The following CNBD1 variants were observed in gnomAD, a reference collection of about 807,000 sequenced individuals.
CNBD1 encodes the protein cyclic nucleotide-binding domain-containing protein 1.
Under a neutral mutation model 54.4 loss-of-function variants are expected in CNBD1, and 71 were observed. The ratio of observed to expected loss-of-function variants is 1.30; its 90% CI spans 1.08 to 1.59. The LOEUF (loss-of-function observed/expected upper bound fraction) is 1.59, where lower values mean the gene tolerates loss of function less well. Ranked by LOEUF, CNBD1 falls within the 40% of genes most tolerant of loss-of-function variation. The pLI is 0.00. For missense variants in CNBD1, 659 were observed against 518.0 expected, an observed-to-expected ratio of 1.27 and a Z score of -2.64; for synonymous variants, 182 against 170.7, an observed-to-expected ratio of 1.07 and a Z score of -0.51.
Position 86,905,269 on chromosome 8 carries a change from A to C in CNBD1, c.272+75A>C, listed in dbSNP as rs1809001098. ...GCTTGTGCTCACACAAGTTGAACTC[A>C]AAACTGAAAATATTTGACCAGTTTC... On this transcript the variant is annotated intron_variant, in intron 3 of 10. Transcript: ENST00000518476. The C allele has an allele frequency of 6.0e-6, 5 of 829,246 alleles. No individual in the cohort carries two copies. The East Asian group carries it at 1.3e-4, about 22-fold the overall frequency. 51.4% of individuals were successfully genotyped at this position (829,246 alleles called of 1,614,324 possible).
At chr8:87,135,252 A>AAT (rs374741099) in intron 4 of CNBD1, among the ~76,000 whole-genome samples, 8 of 151,706 alleles carry the variant, frequency 5.3e-5, no homozygotes, top group South Asian at 4.2e-4. Context: ...GATGGTAATG[A>AAT]ATATATATAT....
intron 4 of CNBD1, among the ~76,000 whole-genome samples, chr8:86,956,243 A>G (rs1393024373): frequency 1.3e-5 from 2 of 152,052 alleles, no homozygotes; most frequent in South Asian, 2.1e-4. Context: ...GCCTTGTAGT[A>G]TAGTTTGAAG....
intron 4 of CNBD1, among the ~76,000 whole-genome samples, chr8:86,961,169 C>A (rs1807918953): frequency 6.6e-6 from 1 of 152,124 alleles, no homozygotes; most frequent in African/African-American, 2.4e-5. Context: ...TGTATACATA[C>A]ACAAATGAAG....
chr8:86,969,819 CACAT>C (rs1404957267), intron 4 of CNBD1, among the ~76,000 whole-genome samples: 14 of 132,718 alleles, frequency 1.1e-4, no homozygotes, highest in East Asian at 2.4e-4. Flanking sequence ...CACACACACA[CACAT>C]ATATATAGTG....
intron 4 of CNBD1, among the ~76,000 whole-genome samples, chr8:86,995,703 TG>T (rs1808856164): frequency 6.6e-6 from 1 of 151,624 alleles, no homozygotes; most frequent in Non-Finnish European, 1.5e-5. Flanking sequence ...TGTGTGTGTG[TG>T]TGTGTGTGAG....
At chr8:87,038,860 T>A (rs1170115275) in intron 4 of CNBD1, among the ~76,000 whole-genome samples, 1 of 152,190 alleles carries the variant, frequency 6.6e-6, no homozygotes, top group Non-Finnish European at 1.5e-5. Context: ...ACTGTTGTAA[T>A]TTTTGCAAAG....
chr8:87,395,381 A>ATAT (rs1368587482), intron 2 of CNBD1, among the ~76,000 whole-genome samples: 5 of 152,038 alleles, frequency 3.3e-5, no homozygotes, highest in Non-Finnish European at 7.4e-5. Flanking sequence ...GAGGGAAGGG[A>ATAT]ACAATATTTG....
intron 4 of CNBD1, among the ~76,000 whole-genome samples, chr8:87,071,105 G>A (rs904545525): frequency 8.6e-5 from 13 of 152,010 alleles, no homozygotes; most frequent in Non-Finnish European, 1.9e-4. Context: ...ACTCTTTTCT[G>A]TGGTGGTTTT....
intron 1 of CNBD1, among the ~76,000 whole-genome samples, chr8:86,873,076 T>TTTG (rs141839544): frequency 0.056 from 8,413 of 150,950 alleles, 253 homozygotes; most frequent in African/African-American, 0.069. Context: ...AGGCCCTGTT[T>TTTG]TTGTTGTTGT....
rs997342108 is a variant in CNBD1 at position 87,284,695 on chromosome 8, C to A, written c.789C>A (p.Thr263=). ...TTTTACAGCTTAGCAAATGGAGTAC[C>A]TTTGGGACTCTGGAAGTTATGCCTC... ...SYDSMLSKWS[T]FGTLEVMPQN... Residue 263 remains threonine, a synonymous_variant, in exon 7 of 11, where the codon ACC becomes ACA. Transcript: ENST00000518476. 1 of 1,605,254 alleles carries A rather than the reference C, an allele frequency of 6.2e-7. No individual in the cohort carries two copies. Among genetic ancestry groups the A allele is most frequent in the African/African-American group, 1.3e-5 (1 of 74,292 alleles).
At chr8:87,173,756 G>C (rs1199525241) in intron 4 of CNBD1, among the ~76,000 whole-genome samples, 4 of 150,662 alleles carry the variant, frequency 2.7e-5, no homozygotes, top group Non-Finnish European at 5.9e-5. Flanking sequence ...AGTAAAATCT[G>C]CTTGGTGTTC....
At chr8:87,418,473 C>T (rs1180621914) in intron 2 of CNBD1, among the ~76,000 whole-genome samples, 8 of 151,908 alleles carry the variant, frequency 5.3e-5, no homozygotes, top group Admixed American at 2.0e-4. Flanking sequence ...GGATATAACA[C>T]TTAAAGCACA....
rs376904550 is a variant in CNBD1 at position 87,182,857 on chromosome 8, G to C, written c.432-23136G>C. ...ATTTAGTAGGTTTTCTGCCTATTCA[G>C]CTGATAATTTCTTTCTTTCTTTGTC... On this transcript the variant is annotated intron_variant, in intron 4 of 10. Coordinates refer to ENST00000518476, the MANE Select transcript of CNBD1 (RefSeq NM_173538.3). The surrounding 1 kb of genome is among the most constrained non-coding windows in gnomAD (Gnocchi z 4.1). Among the ~76,000 whole-genome samples the C allele has an allele frequency of 3.0e-4, 45 of 152,142 alleles. No homozygotes were observed. In the South Asian group the frequency reaches 5.2e-3, roughly 18 times the overall value.
rs570344280 is a variant in CNBD1, at chr8:86,950,207, C to T, written c.431+10453C>T. Reference sequence around the variant, plus strand: ...TCCAGAGTAGCTGGGATTACAGGTGCGTGCCACCACGCCTGGCAAATTTTT... The same window carrying T: ...TCCAGAGTAGCTGGGATTACAGGTGTGTGCCACCACGCCTGGCAAATTTTT... On this transcript the variant is annotated intron_variant, in intron 4 of 10. Coordinates refer to ENST00000518476, the MANE Select transcript of CNBD1 (RefSeq NM_173538.3). 2.9e-3 allele frequency among the ~76,000 whole-genome samples: 432 copies of T among 151,574 alleles called. 9 individuals carry two copies. The highest frequency in any genetic ancestry group is 9.8e-3 in the African/African-American group (403 of 41,276).
downstream of CNBD1, among the ~76,000 whole-genome samples, chr8:87,384,158 A>T (rs1223332490): frequency 6.6e-6 from 1 of 152,026 alleles, no homozygotes; most frequent in Admixed American, 6.6e-5. Context: ...AGTTTTAATT[A>T]TGTGTTATTT....
chr8:87,014,698 T>G (rs1809316724), intron 4 of CNBD1, among the ~76,000 whole-genome samples: 1 of 152,016 alleles, frequency 6.6e-6, no homozygotes, highest in Non-Finnish European at 1.5e-5. Flanking sequence ...AATTTGTAAT[T>G]TAAAAATTAT....
intron 3 of CNBD1, among the ~76,000 whole-genome samples, chr8:86,922,094 A>C (rs1358525570): frequency 1.3e-5 from 2 of 152,166 alleles, no homozygotes; most frequent in African/African-American, 4.8e-5. Context: ...GTCCAGAAGA[A>C]GAGAAAGATT....
chr8:86,999,468 C>A (rs371144611), intron 4 of CNBD1, among the ~76,000 whole-genome samples: 1 of 152,064 alleles, frequency 6.6e-6, no homozygotes, highest in Non-Finnish European at 1.5e-5. Flanking sequence ...TCCTACCTTG[C>A]CCATCCATTC....
At chr8:87,427,488 A>G (rs1586097457) in intron 2 of CNBD1, among the ~76,000 whole-genome samples, 2 of 152,188 alleles carry the variant, frequency 1.3e-5, no homozygotes, top group Admixed American at 1.3e-4. Context: ...GCTTTCATCT[A>G]TGTCTTGAAT....
Sources: gnomAD v4.1 joint callset for allele counts (sites outside exome capture counted in the v4.1 genomes callset) on GRCh38, gnomAD v4.1.1 for gene constraint, Gnocchi (gnomAD v3.1) non-coding constraint, MANE v1.5 for transcripts, NCBI Gene and HGNC (gene_info 2026-07-23, HGNC 2026-07-21) for gene names.